SYTL2: variants seen among roughly 807,000 people sequenced by gnomAD.
SYTL2 encodes synaptotagmin like 2, also known as synaptotagmin-like protein 2.
Under a neutral mutation model 198.7 loss-of-function variants are expected in SYTL2, and 165 were observed. The ratio of observed to expected loss-of-function variants is 0.83; its 90% CI spans 0.73 to 0.94. SYTL2 has a LOEUF of 0.94. SYTL2 is among the 40% of genes least tolerant of loss of function. SYTL2 has a pLI of 0.00. For missense variants in SYTL2, 2,835 were observed against 2,582.8 expected, an observed-to-expected ratio of 1.10 and a Z score of -2.12; for synonymous variants, 966 against 917.7, an observed-to-expected ratio of 1.05 and a Z score of -0.95.
chr11:85,763,810 G>A (rs758161900), intron 1 of SYTL2, among the ~76,000 whole-genome samples: 5 of 152,092 alleles, frequency 3.3e-5, no homozygotes, highest in Non-Finnish European at 4.4e-5. Context: ...CATCCCCACC[G>A]GAACACTTAC....
chr11:85,852,024 T>G, the SYTL2 span, among the ~76,000 whole-genome samples: 14 of 152,194 alleles, frequency 9.2e-5, no homozygotes, highest in African/African-American at 3.4e-4. Flanking sequence ...GTGGAACACG[T>G]AAGTTATCTC....
At chr11:85,829,148 T>C in the SYTL2 span, among the ~76,000 whole-genome samples, 1 of 152,102 alleles carries the variant, frequency 6.6e-6, no homozygotes, top group Non-Finnish European at 1.5e-5. Context: ...TATTATGTGA[T>C]GCTGAAGTTT....
the SYTL2 span, among the ~76,000 whole-genome samples, chr11:85,852,332 T>C: frequency 1.3e-5 from 2 of 152,050 alleles, no homozygotes; most frequent in African/African-American, 4.8e-5. Flanking sequence ...GCTCCTAGGA[T>C]GTAAAAGAAA....
intron 1 of SYTL2, among the ~76,000 whole-genome samples, chr11:85,768,038 T>A (rs1210441506): frequency 1.3e-5 from 2 of 152,154 alleles, no homozygotes; most frequent in Admixed American, 6.5e-5. Flanking sequence ...AGTTAGACAC[T>A]CACTATCAGG....
chr11:85,728,758 C>T (rs527514218), intron 7 of SYTL2, among the ~76,000 whole-genome samples: 3 of 152,238 alleles, frequency 2.0e-5, no homozygotes, highest in East Asian at 3.9e-4. Flanking sequence ...TAAGTGATTT[C>T]AGGAGTTAGA....
At position 85,786,903 on chromosome 11, in the gene SYTL2, G is replaced by C. The variant is rs112240033; in HGVS notation, c.-390+24051C>G. 2.9e-4 allele frequency among the ~76,000 whole-genome samples: 44 copies of C among 152,304 alleles called. 1 individual carries two copies. Among genetic ancestry groups the C allele is most frequent in the African/African-American group, 9.4e-4 (39 of 41,554 alleles). On this transcript the variant is annotated intron_variant, in intron 1 of 19. Transcript: ENST00000359152. Reference sequence around the variant, plus strand: ...TTTATACCTGTTTGATACCCTCTCAGTGCCTAGCACAATGCTCAACCCAGA... The same window carrying C: ...TTTATACCTGTTTGATACCCTCTCACTGCCTAGCACAATGCTCAACCCAGA...
the SYTL2 span, among the ~76,000 whole-genome samples, chr11:85,851,659 T>A: frequency 1.1e-3 from 162 of 152,348 alleles, 2 homozygotes; most frequent in African/African-American, 3.8e-3. Context: ...AGAAAAACTG[T>A]GCAGGATATA....
At chr11:85,728,667 G>A (rs745783113) in intron 7 of SYTL2, among the ~76,000 whole-genome samples, 2 of 152,116 alleles carry the variant, frequency 1.3e-5, no homozygotes, top group Non-Finnish European at 2.9e-5. Context: ...ATGCCATGCC[G>A]ATTTTATGAC....
rs1186810154 is a variant in SYTL2, at chr11:85,725,162, T to A, written c.4196A>T (p.Glu1399Val). Residue 1399 changes from glutamate to valine, a missense_variant, in exon 8 of 20, where the codon GAA becomes GTA. Glu to Val is a moderately radical substitution (Grantham distance 121, BLOSUM62 -2). Transcript: ENST00000359152. Reference protein sequence around the residue: ...REVGPGEVNPEFPEAVQPVCS... With the variant: ...REVGPGEVNPVFPEAVQPVCS... ...TACTGGCTGTACTGCTTCAGGAAAT[T>A]CTGGGTTCACTTCTCCAGGACCTAC... 6.2e-7 allele frequency: 1 copy of A among 1,613,992 alleles called. No individual in the cohort carries two copies. The highest frequency in any genetic ancestry group is 8.5e-7 in the Non-Finnish European group (1 of 1,179,992).
chr11:85,850,349 T>C, the SYTL2 span, among the ~76,000 whole-genome samples: 3 of 151,940 alleles, frequency 2.0e-5, no homozygotes, highest in Non-Finnish European at 4.4e-5. Flanking sequence ...AACAACCCCA[T>C]CAAAAAGCGG....
the SYTL2 span, among the ~76,000 whole-genome samples, chr11:85,842,116 G>C: frequency 2.5e-4 from 38 of 152,312 alleles, no homozygotes; most frequent in African/African-American, 8.9e-4. Flanking sequence ...AGATTAGCTT[G>C]AAAGACTGAC....
intron 11 of SYTL2, among the ~76,000 whole-genome samples, chr11:85,715,812 A>G (rs565343618): frequency 9.7e-4 from 147 of 152,178 alleles, no homozygotes; most frequent in Non-Finnish European, 1.7e-3. Flanking sequence ...ATATGGTCCA[A>G]TGAGAATGCA....
chr11:85,849,285 TTTAGTTTAA>T, the SYTL2 span, among the ~76,000 whole-genome samples: 2,072 of 152,318 alleles, frequency 0.014, 21 homozygotes, highest in African/African-American at 0.028. Context: ...GCAGAAGCTC[TTTAGTTTAA>T]TTAGATCCCA....
chr11:85,709,343 T>C lies in SYTL2; in HGVS notation c.5903A>G (p.Gln1968Arg), dbSNP rs764119806. The C allele has an allele frequency of 1.2e-6, 2 of 1,614,154 alleles. No homozygotes were observed. The highest frequency in any genetic ancestry group is 8.5e-7 in the Non-Finnish European group (1 of 1,180,026). The stretch of plus-strand genomic sequence containing the variant: ...AAAATGTACTTACGGGTCTGAACGC[T>C]GTTTTTTTACATCCGCTGCTGCTAA... ...KDLAAADVKK[Q>R]RSDPYVKAYL... Residue 1968 changes from glutamine to arginine, a missense_variant, in exon 14 of 20, where the codon CAG becomes CGG. Gln to Arg is a conservative substitution (Grantham distance 43). This residue lies in a region of SYTL2 where 2,645 missense variants were observed against 2,381.7 expected (regional missense o/e 1.11). Coordinates refer to ENST00000359152, the MANE Select transcript of SYTL2 (RefSeq NM_206927.4).
Position 85,734,565 on chromosome 11 carries a change from G to T in SYTL2, c.764C>A (p.Ser255Tyr). ...STDLNKDDNQSFPRQRTDSLK... is the reference protein window; with the variant it reads ...STDLNKDDNQYFPRQRTDSLK... Reference sequence around the variant, plus strand: ...GGAGTCTGTCCTTTGTCTAGGAAAAGACTGGTTATCATCTTTGTTTAAATC... The same window carrying T: ...GGAGTCTGTCCTTTGTCTAGGAAAATACTGGTTATCATCTTTGTTTAAATC... The change falls in exon 7 of 20, where the codon TCT (serine) becomes TAT (tyrosine). Residue 255 changes from serine (S) to tyrosine (Y), a missense_variant. Ser to Tyr is a moderately radical substitution (Grantham distance 144). This residue lies in a region of SYTL2 where 2,645 missense variants were observed against 2,381.7 expected (regional missense o/e 1.11). Transcript: ENST00000359152. 6.2e-7 allele frequency: 1 copy of T among 1,614,228 alleles called. No individual in the cohort carries two copies. The highest frequency in any genetic ancestry group is 8.5e-7 in the Non-Finnish European group (1 of 1,180,034).
intron 1 of SYTL2, among the ~76,000 whole-genome samples, chr11:85,778,149 C>T (rs1387512532): frequency 6.6e-6 from 1 of 152,134 alleles, no homozygotes; most frequent in East Asian, 1.9e-4. Flanking sequence ...TTTAGTCAAC[C>T]TGCAGATTCC....
chr11:85,849,958 T>G, the SYTL2 span, among the ~76,000 whole-genome samples: 13 of 145,950 alleles, frequency 8.9e-5, no homozygotes, highest in Non-Finnish European at 1.8e-4. Flanking sequence ...CCTCTTTTAT[T>G]TCGTTGAGCA....
chr11:85,779,974 T>G (rs1459257190), intron 1 of SYTL2, among the ~76,000 whole-genome samples: 1 of 152,214 alleles, frequency 6.6e-6, no homozygotes, highest in African/African-American at 2.4e-5. Context: ...CTTAACCTTC[T>G]GAAGCTTCTA....
At chr11:85,790,022 T>C (rs1218606159) in intron 1 of SYTL2, among the ~76,000 whole-genome samples, 3 of 152,084 alleles carry the variant, frequency 2.0e-5, no homozygotes, top group Admixed American at 1.3e-4. Flanking sequence ...TGCATATATA[T>C]AAGATATCTT....
Sources: allele counts gnomAD v4.1 joint callset (sites outside exome capture counted in the v4.1 genomes callset), GRCh38; gene constraint gnomAD v4.1.1; regional missense constraint gnomAD v4.1.1; transcripts MANE v1.5; gene names NCBI Gene and HGNC (gene_info 2026-07-23, HGNC 2026-07-21).